Variants in BABAM2 observed in about 807,000 individuals in gnomAD.
BABAM2 encodes the protein BRISC and BRCA1-A complex member 2.
In BABAM2, 31 loss-of-function variants were observed where a neutral mutation model predicts 54.7. The ratio of observed to expected loss-of-function variants is 0.57; its 90% confidence interval spans 0.43 to 0.77. The LOEUF is 0.77. Ranked by LOEUF, BABAM2 falls within the 30% of genes least tolerant of loss-of-function variation. The pLI, the probability that BABAM2 is intolerant of heterozygous loss-of-function variation, is 0.00. For synonymous variants in BABAM2, 167 were observed against 162.9 expected (o/e 1.03, Z -0.19); for missense variants, 364 against 455.8 (o/e 0.80, Z 1.83).
chr2:28,024,092 AAAC>A (rs1675464968), intron 4 of BABAM2, among the ~76,000 whole-genome samples: 1 of 152,208 alleles, frequency 6.6e-6, no homozygotes, highest in South Asian at 2.1e-4. Context: ...TCAGTTAAAA[AAAC>A]AACGACAGTT....
chr2:28,123,959 GA>G (rs1669286733), intron 6 of BABAM2, among the ~76,000 whole-genome samples: 4 of 152,206 alleles, frequency 2.6e-5, no homozygotes, highest in Non-Finnish European at 5.9e-5. Flanking sequence ...TAGTGAAATT[GA>G]AAGTTTAAAA....
At chr2:28,058,441 C>T (rs923412658) in intron 6 of BABAM2, among the ~76,000 whole-genome samples, 1 of 151,910 alleles carries the variant, frequency 6.6e-6, no homozygotes, top group African/African-American at 2.4e-5. Flanking sequence ...GGAAATGAGG[C>T]TGGACCCTGG....
chr2:28,279,660 CTT>C (rs59747836), intron 10 of BABAM2, among the ~76,000 whole-genome samples: 10 of 100,258 alleles, frequency 1.0e-4, no homozygotes, highest in Non-Finnish European at 1.5e-4. Flanking sequence ...AGCTCAAAGG[CTT>C]TTTTTTTTTT....
intron 5 of BABAM2, among the ~76,000 whole-genome samples, chr2:28,043,791 A>T (rs2148607474): frequency 6.6e-6 from 1 of 152,234 alleles, no homozygotes; most frequent in South Asian, 2.1e-4. Context: ...GATCTCACAA[A>T]CCTTCTCCCA....
chr2:28,225,797 CT>C (rs1158016598), intron 7 of BABAM2, among the ~76,000 whole-genome samples: 1 of 151,824 alleles, frequency 6.6e-6, no homozygotes, highest in Admixed American at 6.6e-5. Context: ...AAGCTAATTC[CT>C]GTGGTTTACC....
chr2:28,205,468 G>A (rs545018030), intron 7 of BABAM2, among the ~76,000 whole-genome samples: 11 of 151,982 alleles, frequency 7.2e-5, no homozygotes, highest in Non-Finnish European at 1.3e-4. Flanking sequence ...GTGCCACTGC[G>A]CTCCAGCCTG....
At chr2:28,281,628 C>T (rs1473993349) in intron 10 of BABAM2, among the ~76,000 whole-genome samples, 1 of 152,162 alleles carries the variant, frequency 6.6e-6, no homozygotes, top group African/African-American at 2.4e-5. Flanking sequence ...CAGGTTGTAA[C>T]TTTTATTTCG....
chr2:28,011,361 T>C (rs763752066), intron 4 of BABAM2, among the ~76,000 whole-genome samples: 3 of 152,166 alleles, frequency 2.0e-5, no homozygotes, highest in Non-Finnish European at 2.9e-5. Context: ...TTTTCTTTCT[T>C]GCTCTTATAG....
intron 6 of BABAM2, among the ~76,000 whole-genome samples, chr2:28,078,087 A>G (rs1189434501): frequency 6.6e-6 from 1 of 152,120 alleles, no homozygotes; most frequent in African/African-American, 2.4e-5. Context: ...GAGTAACATG[A>G]TGAAATCTCA....
chr2:28,236,572 G>A (rs1043497419), intron 7 of BABAM2, among the ~76,000 whole-genome samples: 5 of 151,908 alleles, frequency 3.3e-5, no homozygotes, highest in African/African-American at 1.2e-4. Context: ...CATCATGTTA[G>A]CCAGGCTGGT....
At chr2:27,910,928 G>C (rs893777329) in intron 2 of BABAM2, among the ~76,000 whole-genome samples, 1 of 152,160 alleles carries the variant, frequency 6.6e-6, no homozygotes, top group Non-Finnish European at 1.5e-5. Flanking sequence ...GTCATGGGAG[G>C]GACCCGGTGG....
chr2:28,315,670 T>A (rs1025435008), intron 11 of BABAM2, among the ~76,000 whole-genome samples: 4 of 151,032 alleles, frequency 2.6e-5, no homozygotes, highest in African/African-American at 9.7e-5. Flanking sequence ...TTTTATTTTT[T>A]TTTTTAGAGG....
intron 7 of BABAM2, among the ~76,000 whole-genome samples, chr2:28,217,927 T>G (rs147844390): frequency 6.0e-4 from 92 of 152,366 alleles, no homozygotes; most frequent in African/African-American, 2.2e-3. Context: ...TAACAGTGGA[T>G]CTAATATAAA....
chr2:27,955,736 C>A (rs1670036222), intron 3 of BABAM2, among the ~76,000 whole-genome samples: 1 of 152,118 alleles, frequency 6.6e-6, no homozygotes, highest in African/African-American at 2.4e-5. Flanking sequence ...TTTTTCTATT[C>A]CTAATATCAG....
intron 11 of BABAM2, among the ~76,000 whole-genome samples, chr2:28,316,474 C>T (rs1689572041): frequency 6.6e-6 from 1 of 151,450 alleles, no homozygotes; most frequent in Admixed American, 6.6e-5. Context: ...GAATGTCTTA[C>T]CCCAGCCTTC....
intron 10 of BABAM2, among the ~76,000 whole-genome samples, chr2:28,286,157 T>C (rs1263156903): frequency 1.3e-5 from 2 of 152,020 alleles, no homozygotes; most frequent in African/African-American, 4.8e-5. Context: ...GGTTTCACCA[T>C]GTTGGCCAGG....
At chr2:27,889,563 C>T (rs1331012449), upstream of BABAM2, among the ~76,000 whole-genome samples, 3 of 152,178 alleles carry the variant, frequency 2.0e-5, no homozygotes, top group African/African-American at 7.2e-5. Context: ...GATCTGTCTA[C>T]TCAATCTTAC....
chr2:27,915,767 C>T (rs1266594192), intron 2 of BABAM2, among the ~76,000 whole-genome samples: 2 of 151,980 alleles, frequency 1.3e-5, no homozygotes, highest in African/African-American at 2.4e-5. Context: ...CTTCCTTTTC[C>T]TTTCTTCCCC....
At chr2:27,929,939 T>G in intron 3 of BABAM2, 31 bp downstream of exon 3, 1 of 1,580,802 alleles carries the variant, frequency 6.3e-7, no homozygotes, top group Non-Finnish European at 8.7e-7. Flanking sequence ...TTACTCAAAA[T>G]GTAGGTTACA....
Sources: allele counts gnomAD v4.1 joint callset (sites outside exome capture counted in the v4.1 genomes callset), GRCh38; gene constraint gnomAD v4.1.1; transcripts MANE v1.5; gene names NCBI Gene and HGNC (gene_info 2026-07-23, HGNC 2026-07-21).